The following ANKRD33B variants were observed in gnomAD, a reference collection of about 807,000 sequenced individuals.
ANKRD33B encodes the protein ankyrin repeat domain-containing protein 33B.
In ANKRD33B, 6 loss-of-function variants were observed where a neutral mutation model predicts 21.5. That is an observed-to-expected ratio of 0.28 (90% CI 0.15 to 0.55). ANKRD33B has a LOEUF of 0.55. Ranked by LOEUF, ANKRD33B falls within the 20% of genes least tolerant of loss-of-function variation. The probability of loss-of-function intolerance (pLI) is 0.94; values close to 1 mark genes in which losing one functional copy is unlikely to be tolerated. For synonymous variants in ANKRD33B, 347 were observed against 342.4 expected (o/e 1.01, Z -0.15); for missense variants, 698 against 747.2 (o/e 0.93, Z 0.77).
chr5:10,635,634 G>C (rs991235670), intron 2 of ANKRD33B, among the ~76,000 whole-genome samples: 1 of 152,206 alleles, frequency 6.6e-6, no homozygotes, highest in Non-Finnish European at 1.5e-5. Flanking sequence ...GGTCAATGGC[G>C]AGCTTGCTCC....
At chr5:10,633,848 G>A (rs1260677314) in intron 2 of ANKRD33B, among the ~76,000 whole-genome samples, 5 of 152,150 alleles carry the variant, frequency 3.3e-5, no homozygotes, top group African/African-American at 9.7e-5. Flanking sequence ...CCCGATAAAG[G>A]GCTGATGGGC....
At chr5:10,642,298 C>G (rs1319377320) in intron 3 of ANKRD33B, among the ~76,000 whole-genome samples, 2 of 152,110 alleles carry the variant, frequency 1.3e-5, no homozygotes, top group Non-Finnish European at 2.9e-5. Context: ...TTGCTCTTCC[C>G]CCATCAGTTA....
chr5:10,586,410 G>A (rs144671834), intron 1 of ANKRD33B, among the ~76,000 whole-genome samples: 62 of 151,814 alleles, frequency 4.1e-4, no homozygotes, highest in African/African-American at 1.4e-3. Flanking sequence ...ACAGCCAGTG[G>A]CTCTCTACTT....
At chr5:10,641,285 G>A (rs1560986170) in intron 3 of ANKRD33B, among the ~76,000 whole-genome samples, 1 of 146,934 alleles carries the variant, frequency 6.8e-6, no homozygotes, top group Non-Finnish European at 1.5e-5. Flanking sequence ...CTGGAGTGCG[G>A]TGGTGCAATC....
chr5:10,571,810 A>G (rs1366827623), intron 1 of ANKRD33B, among the ~76,000 whole-genome samples: 3 of 152,186 alleles, frequency 2.0e-5, no homozygotes, highest in South Asian at 2.1e-4. Context: ...GGAAAGGTCT[A>G]TAAAAGTCCA....
At chr5:10,609,798 A>G (rs1166353446) in intron 1 of ANKRD33B, among the ~76,000 whole-genome samples, 1 of 149,460 alleles carries the variant, frequency 6.7e-6, no homozygotes, top group African/African-American at 2.6e-5. Flanking sequence ...AATCTCAGCT[A>G]CTTGGGCAGC....
intron 1 of ANKRD33B, among the ~76,000 whole-genome samples, chr5:10,592,705 G>T (rs1231814384): frequency 1.3e-5 from 2 of 151,898 alleles, no homozygotes; most frequent in African/African-American, 4.8e-5. Context: ...CAGGCTTCTT[G>T]GCCACCTGTC....
rs1489882987 is a variant in ANKRD33B at position 10,654,517 on chromosome 5, G to C, written c.*4404G>C. Reference sequence around the variant, plus strand: ...GAAGAAATATTTCTCAGACAATGTCGATGCTGCTGATGACAACTGAGATGC... The same window carrying C: ...GAAGAAATATTTCTCAGACAATGTCCATGCTGCTGATGACAACTGAGATGC... On this transcript the variant is annotated 3_prime_UTR_variant, in exon 4 of 4. Transcript: ENST00000296657. 6.6e-6 allele frequency: 1 copy of C among 152,356 alleles called. No homozygotes were observed. Among genetic ancestry groups the C allele is most frequent in the African/African-American group, 2.4e-5 (1 of 41,452 alleles). 9.4% of individuals were successfully genotyped at this position (152,356 alleles called of 1,614,324 possible).
At chr5:10,625,687 T>G (rs1179470702) in intron 2 of ANKRD33B, among the ~76,000 whole-genome samples, 1 of 152,208 alleles carries the variant, frequency 6.6e-6, no homozygotes, top group Non-Finnish European at 1.5e-5. Flanking sequence ...AGTACTTGCT[T>G]CTTAAATATT....
chr5:10,583,719 G>A (rs1735495686), intron 1 of ANKRD33B, among the ~76,000 whole-genome samples: 1 of 152,136 alleles, frequency 6.6e-6, no homozygotes, highest in South Asian at 2.1e-4. Context: ...TACAGTTAAA[G>A]AATTTATGTA....
chr5:10,655,572 A>C lies in ANKRD33B; in HGVS notation c.*5459A>C, dbSNP rs899298119. The C allele has an allele frequency of 6.6e-6, 1 of 152,382 alleles. No individual in the cohort carries two copies. The highest frequency in any genetic ancestry group is 2.4e-5 in the African/African-American group (1 of 41,432). The allele number at this position is 152,382 out of a possible 1,614,324, so 9.4% of individuals were successfully genotyped here. A position where few individuals can be genotyped will look rare whatever the true frequency, so the allele number is the denominator to read the frequency against. On this transcript the variant is annotated 3_prime_UTR_variant, in exon 4 of 4. Transcript: ENST00000296657. Reference sequence around the variant, plus strand: ...CTTTCCCCAGGTGCGCCGGAGACGCAGGCTTGCTCATTTCCGTCCTGACAC... The same window carrying C: ...CTTTCCCCAGGTGCGCCGGAGACGCCGGCTTGCTCATTTCCGTCCTGACAC...
intron 1 of ANKRD33B, among the ~76,000 whole-genome samples, chr5:10,577,079 C>T (rs1243976984): frequency 1.3e-5 from 2 of 151,682 alleles, no homozygotes; most frequent in Admixed American, 1.3e-4. Flanking sequence ...CCTTCCCTTT[C>T]CCCTTTCCCT....
intron 1 of ANKRD33B, among the ~76,000 whole-genome samples, chr5:10,593,061 A>C (rs775086890): frequency 6.6e-6 from 1 of 152,046 alleles, no homozygotes. Flanking sequence ...TCCACCCCTC[A>C]TATTGTCTTC....
intron 3 of ANKRD33B, among the ~76,000 whole-genome samples, chr5:10,638,770 CAT>C (rs1324065458): frequency 6.6e-6 from 1 of 151,232 alleles, no homozygotes. Context: ...TAGGAGGCGA[CAT>C]GTTGCACGGT....
chr5:10,645,098 G>T (rs894663051), intron 3 of ANKRD33B, among the ~76,000 whole-genome samples: 1 of 152,198 alleles, frequency 6.6e-6, no homozygotes, highest in Non-Finnish European at 1.5e-5. Context: ...TGGTGGGGGT[G>T]GCTTGTCCTC....
At chr5:10,594,492 A>T (rs567587317) in intron 1 of ANKRD33B, among the ~76,000 whole-genome samples, 6 of 152,168 alleles carry the variant, frequency 3.9e-5, no homozygotes, top group Non-Finnish European at 8.8e-5. Flanking sequence ...TGCTGGGATT[A>T]CAGGTGTGAA....
chr5:10,589,933 T>C (rs1249923251), intron 1 of ANKRD33B, among the ~76,000 whole-genome samples: 1 of 152,028 alleles, frequency 6.6e-6, no homozygotes, highest in Non-Finnish European at 1.5e-5. Flanking sequence ...GTTATGCTTT[T>C]CTTCCTATCT....
intron 1 of ANKRD33B, among the ~76,000 whole-genome samples, chr5:10,580,505 C>G (rs764237709): frequency 4.0e-5 from 6 of 149,206 alleles, no homozygotes; most frequent in Non-Finnish European, 7.5e-5. Context: ...TCCCCCACCC[C>G]CAGCCCCACC....
chr5:10,637,712 T>C (rs1015138768), intron 2 of ANKRD33B, among the ~76,000 whole-genome samples: 1 of 152,096 alleles, frequency 6.6e-6, no homozygotes, highest in African/African-American at 2.4e-5. Context: ...CTGCGCTCCC[T>C]ACCTGCCCGC....
Sources: allele counts gnomAD v4.1 joint callset (sites outside exome capture counted in the v4.1 genomes callset), GRCh38; gene constraint gnomAD v4.1.1; transcripts MANE v1.5; gene names NCBI Gene and HGNC (gene_info 2026-07-23, HGNC 2026-07-21).